The following BCAS3 variants were observed in gnomAD, a reference collection of about 807,000 sequenced individuals.
BCAS3 encodes BCAS3 microtubule associated cell migration factor, also known as BCAS4/BCAS3 fusion.
Under a neutral mutation model 116.1 loss-of-function variants are expected in BCAS3, and 53 were observed. The observed-to-expected ratio is 0.46, with a 90% CI of 0.37 to 0.57. BCAS3 has a LOEUF of 0.57. BCAS3 is among the 20% of genes least tolerant of loss of function. BCAS3 has a pLI of 0.00. For synonymous variants in BCAS3, 391 were observed against 408.2 expected (o/e 0.96, Z 0.51); for missense variants, 917 against 1,165.4 (o/e 0.79, Z 3.10).
At chr17:60,752,469 G>T (rs1435256719) in intron 6 of BCAS3, among the ~76,000 whole-genome samples, 1 of 151,286 alleles carries the variant, frequency 6.6e-6, no homozygotes, top group Non-Finnish European at 1.5e-5. Flanking sequence ...TGTCGCCCAG[G>T]CTGGAGTGCA....
At chr17:60,796,565 A>C (rs1265513752) in intron 6 of BCAS3, among the ~76,000 whole-genome samples, 1 of 152,090 alleles carries the variant, frequency 6.6e-6, no homozygotes, top group Admixed American at 6.5e-5. Flanking sequence ...CAGTTGTAAT[A>C]TCTCCTGTTT....
At chr17:60,688,607 G>A (rs1450354287) in intron 3 of BCAS3, among the ~76,000 whole-genome samples, 1 of 152,072 alleles carries the variant, frequency 6.6e-6, no homozygotes, top group East Asian at 1.9e-4. Context: ...CTGAGGTCAG[G>A]AGTTCAAGAC....
intron 10 of BCAS3, among the ~76,000 whole-genome samples, chr17:60,893,081 T>G (rs980845141): frequency 6.6e-6 from 1 of 152,192 alleles, no homozygotes; most frequent in Non-Finnish European, 1.5e-5. Flanking sequence ...TCTGTTTATG[T>G]CCTTTGGGGT....
intron 15 of BCAS3, among the ~76,000 whole-genome samples, chr17:61,006,273 A>G (rs1034496141): frequency 1.3e-5 from 2 of 152,124 alleles, no homozygotes; most frequent in Non-Finnish European, 1.5e-5. Flanking sequence ...GTACATAAAG[A>G]TAAGTTCTGC....
At chr17:61,081,583 A>C (rs1171216787) in intron 21 of BCAS3, among the ~76,000 whole-genome samples, 2 of 152,198 alleles carry the variant, frequency 1.3e-5, no homozygotes, top group Non-Finnish European at 2.9e-5. Flanking sequence ...CAGGTTTATA[A>C]ATTTCTGTTA....
intron 13 of BCAS3, among the ~76,000 whole-genome samples, chr17:60,926,163 T>C (rs1175946260): frequency 6.6e-6 from 1 of 152,216 alleles, no homozygotes. Flanking sequence ...GATTTTGGTT[T>C]TTCAGATTAG....
intron 14 of BCAS3, among the ~76,000 whole-genome samples, chr17:60,975,414 G>A (rs981693489): frequency 1.3e-5 from 2 of 152,214 alleles, no homozygotes; most frequent in Admixed American, 1.3e-4. Flanking sequence ...GCATAGGACA[G>A]CAAAGGCATC....
Position 61,313,189 on chromosome 17 carries a change from C to T in BCAS3, c.2426-55138C>T, listed in dbSNP as rs1251890849. Among the ~76,000 whole-genome samples, 2 of 152,176 alleles carry T rather than the reference C, an allele frequency of 1.3e-5. No individual in the cohort carries two copies. Among genetic ancestry groups the T allele is most frequent in the East Asian group, 1.9e-4 (1 of 5,198 alleles). On this transcript the variant is annotated intron_variant, in intron 22 of 23. Transcript: ENST00000407086. The surrounding 1 kb of genome is among the most constrained non-coding windows in gnomAD (Gnocchi z 4.3). ...GGCAATTACTGCCAGGTAGAGAAAG[C>T]GAATGCTGTTATTTTGCTCTAAGAG... is the stretch of plus-strand genomic sequence containing the variant.
chr17:60,819,961 TAGTA>T (rs1207571207), intron 7 of BCAS3, among the ~76,000 whole-genome samples: 1 of 151,882 alleles, frequency 6.6e-6, no homozygotes, highest in Non-Finnish European at 1.5e-5. Flanking sequence ...AGATAACCCT[TAGTA>T]AAGCCTGCAG....
intron 9 of BCAS3, among the ~76,000 whole-genome samples, chr17:60,888,575 A>G (rs925039571): frequency 4.6e-5 from 7 of 152,172 alleles, no homozygotes; most frequent in Non-Finnish European, 7.3e-5. Flanking sequence ...TACACAATTT[A>G]TATTACAGTA....
At chr17:61,060,051 C>T (rs570055271) in intron 19 of BCAS3, among the ~76,000 whole-genome samples, 9 of 152,196 alleles carry the variant, frequency 5.9e-5, no homozygotes, top group African/African-American at 2.2e-4. Flanking sequence ...AACTACCTCA[C>T]TTTGTTATAC....
intron 14 of BCAS3, among the ~76,000 whole-genome samples, chr17:60,985,009 CAAAAAAA>C (rs762586066): frequency 4.0e-5 from 2 of 50,366 alleles, no homozygotes; most frequent in Non-Finnish European, 5.3e-5. Flanking sequence ...GACTCCATCT[CAAAAAAA>C]AAAAAAAAAA....
intron 19 of BCAS3, among the ~76,000 whole-genome samples, chr17:61,061,846 A>G (rs1568257951): frequency 1.3e-5 from 2 of 152,150 alleles, no homozygotes; most frequent in Non-Finnish European, 2.9e-5. Context: ...CAAAAAAACA[A>G]CGTGTTTGAG....
intron 16 of BCAS3, among the ~76,000 whole-genome samples, chr17:61,022,528 G>A (rs1401625615): frequency 1.3e-5 from 2 of 152,138 alleles, no homozygotes. Flanking sequence ...ACAGGCGTGA[G>A]CCACCGCGCC....
intron 22 of BCAS3, among the ~76,000 whole-genome samples, chr17:61,290,151 C>T (rs1394706916): frequency 6.6e-6 from 1 of 151,958 alleles, no homozygotes; most frequent in African/African-American, 2.4e-5. Context: ...CTTTGGAGGC[C>T]GAAACTAAGC....
chr17:60,811,819 C>T (rs1189260140), intron 7 of BCAS3, among the ~76,000 whole-genome samples: 2 of 152,092 alleles, frequency 1.3e-5, no homozygotes, highest in South Asian at 4.1e-4. Context: ...AGGCCAAGGC[C>T]AGCGGATCGC....
rs574256970 is a variant in BCAS3 at position 61,374,131 on chromosome 17, C to T, written c.2593+5637C>T. On this transcript the variant is annotated intron_variant, in intron 23 of 23. Coordinates refer to ENST00000407086, the MANE Select transcript of BCAS3 (RefSeq NM_017679.5). ...GTTCCTGGCCCCCATTTAAAGTATT[C>T]TTGATGCATCTCTGTTGCAGGAGTA... 3.3e-5 allele frequency among the ~76,000 whole-genome samples: 5 copies of T among 149,922 alleles called. No individual in the cohort carries two copies. In the East Asian group the frequency reaches 9.9e-4, roughly 30 times the overall value.
rs1264058085 is a variant in BCAS3 at position 60,956,540 on chromosome 17, A to G, written c.1221+9188A>G. On this transcript the variant is annotated intron_variant, in intron 14 of 23. Transcript: ENST00000407086. This position sits in a 1 kb window ranked among gnomAD's most constrained non-coding sequence, Gnocchi z 4.2. ...TTTGATACCTCTTTGTATTAAAGTT[A>G]TTTGCCATTTAATTTATCTATAAGT... is the stretch of plus-strand genomic sequence containing the variant. Among the ~76,000 whole-genome samples, 1 of 152,168 alleles carries G rather than the reference A, an allele frequency of 6.6e-6. No homozygotes were observed. Among genetic ancestry groups the G allele is most frequent in the Non-Finnish European group, 1.5e-5 (1 of 68,018 alleles).
chr17:60,851,130 A>G (rs775751658), intron 7 of BCAS3, among the ~76,000 whole-genome samples: 1 of 152,252 alleles, frequency 6.6e-6, no homozygotes, highest in Non-Finnish European at 1.5e-5. Flanking sequence ...GTGAAAGATT[A>G]TTTTAAGAGA....
Sources: gnomAD v4.1 joint callset for allele counts (sites outside exome capture counted in the v4.1 genomes callset) on GRCh38, gnomAD v4.1.1 for gene constraint, Gnocchi (gnomAD v3.1) non-coding constraint, MANE v1.5 for transcripts, NCBI Gene and HGNC (gene_info 2026-07-23, HGNC 2026-07-21) for gene names.